The following TNFSF4 variants were observed in gnomAD, a reference collection of about 807,000 sequenced individuals.
The protein encoded by TNFSF4 is tumor necrosis factor ligand superfamily member 4.
A neutral mutation model predicts 7.3 loss-of-function variants in TNFSF4; 4 were observed. The observed-to-expected ratio is 0.55, with a 90% CI of 0.27 to 1.25. TNFSF4 has a LOEUF of 1.25. TNFSF4 is among the 50% of genes most tolerant of loss of function. The probability of loss-of-function intolerance (pLI) is 0.12; values close to 1 mark genes in which losing one functional copy is unlikely to be tolerated. For missense variants in TNFSF4, 181 were observed against 208.8 expected (o/e 0.87, Z 0.82); for synonymous variants, 76 against 83.7 (o/e 0.91, Z 0.50).
At chr1:173,179,121 A>C (rs1649006443), downstream of TNFSF4, among the ~76,000 whole-genome samples, 1 of 152,206 alleles carries the variant, frequency 6.6e-6, no homozygotes, top group Non-Finnish European at 1.5e-5. Context: ...GAACTCTCAG[A>C]GAATAAATTT....
downstream of TNFSF4, among the ~76,000 whole-genome samples, chr1:173,178,735 A>G (rs562660078): frequency 6.6e-6 from 1 of 152,252 alleles, no homozygotes; most frequent in South Asian, 2.1e-4. Context: ...ACCCCCAAAA[A>G]TATGTATGCT....
the TNFSF4 span, among the ~76,000 whole-genome samples, chr1:173,399,435 C>A: frequency 6.6e-6 from 1 of 152,166 alleles, no homozygotes; most frequent in Non-Finnish European, 1.5e-5. Context: ...AGCAATGCAA[C>A]TCGCTGTCCA....
the TNFSF4 span, among the ~76,000 whole-genome samples, chr1:173,373,884 C>T: frequency 6.6e-6 from 1 of 152,210 alleles, no homozygotes; most frequent in Non-Finnish European, 1.5e-5. Context: ...ATTTGAGCTT[C>T]CCCAAAGATT....
the TNFSF4 span, among the ~76,000 whole-genome samples, chr1:173,443,692 G>A: frequency 6.6e-6 from 1 of 152,098 alleles, no homozygotes; most frequent in Non-Finnish European, 1.5e-5. Context: ...GTCTTCATGG[G>A]TTACTTCTAA....
At chr1:173,322,352 A>T in the TNFSF4 span, among the ~76,000 whole-genome samples, 1 of 152,062 alleles carries the variant, frequency 6.6e-6, no homozygotes, top group Non-Finnish European at 1.5e-5. Flanking sequence ...GGGGAGGGAG[A>T]GCATTAGGAC....
At chr1:173,243,484 C>A in the TNFSF4 span, among the ~76,000 whole-genome samples, 2 of 152,210 alleles carry the variant, frequency 1.3e-5, no homozygotes, top group Non-Finnish European at 2.9e-5. Flanking sequence ...TTCTCTACTG[C>A]AAACCCTGCT....
chr1:173,440,513 C>CTTGAAGA, the TNFSF4 span: 1 of 152,214 alleles, frequency 6.6e-6, no homozygotes, highest in Admixed American at 6.5e-5. Context: ...TTCCACCTTG[C>CTTGAAGA]TTGAAGATGA....
At chr1:173,430,721 T>C in the TNFSF4 span, among the ~76,000 whole-genome samples, 9 of 152,324 alleles carry the variant, frequency 5.9e-5, no homozygotes, top group East Asian at 1.9e-4. Flanking sequence ...CAAATAATTG[T>C]ATTAGGTGAC....
chr1:173,222,831 GT>G, the TNFSF4 span, among the ~76,000 whole-genome samples: 1 of 152,170 alleles, frequency 6.6e-6, no homozygotes, highest in Non-Finnish European at 1.5e-5. Context: ...AGGAAGTGGG[GT>G]AAAAGCAAGA....
the TNFSF4 span, among the ~76,000 whole-genome samples, chr1:173,415,599 C>G: frequency 3.3e-4 from 50 of 152,362 alleles, no homozygotes; most frequent in African/African-American, 1.2e-3. Context: ...GGGACAAACA[C>G]TGGATAATTA....
the TNFSF4 span, among the ~76,000 whole-genome samples, chr1:173,358,117 G>A: frequency 6.6e-6 from 1 of 152,224 alleles, no homozygotes; most frequent in African/African-American, 2.4e-5. Flanking sequence ...AAAAGTAGGA[G>A]AGTCAGAGTC....
At chr1:173,318,221 A>T in the TNFSF4 span, among the ~76,000 whole-genome samples, 1 of 152,180 alleles carries the variant, frequency 6.6e-6, no homozygotes, top group African/African-American at 2.4e-5. Flanking sequence ...GGGGTGGATC[A>T]TGAGGTCAGG....
At chr1:173,256,493 T>C in the TNFSF4 span, among the ~76,000 whole-genome samples, 31 of 152,006 alleles carry the variant, frequency 2.0e-4, no homozygotes, top group Non-Finnish European at 7.4e-5. Flanking sequence ...AAGTCCCATC[T>C]CAAAATACCC....
the TNFSF4 span, among the ~76,000 whole-genome samples, chr1:173,349,454 C>T: frequency 1.3e-5 from 2 of 152,134 alleles, no homozygotes; most frequent in Non-Finnish European, 2.9e-5. Flanking sequence ...TATAAGTATA[C>T]TATATATTAT....
At chr1:173,265,125 G>A in the TNFSF4 span, among the ~76,000 whole-genome samples, 12,215 of 152,168 alleles carry the variant, frequency 0.08, 856 homozygotes, top group African/African-American at 0.19. Context: ...TTTAGACCCC[G>A]CAGAAGTTTT....
chr1:173,215,988 C>T, the TNFSF4 span, among the ~76,000 whole-genome samples: 8 of 152,138 alleles, frequency 5.3e-5, no homozygotes, highest in African/African-American at 1.9e-4. Flanking sequence ...CCACCCCAGA[C>T]CTATCAAATC....
the TNFSF4 span, among the ~76,000 whole-genome samples, chr1:173,450,683 A>G: frequency 6.8e-6 from 1 of 146,688 alleles, no homozygotes; most frequent in Non-Finnish European, 1.5e-5. Flanking sequence ...TCACATGAAT[A>G]TCTTATTGGA....
intron 1 of TNFSF4, chr1:173,205,265 C>T: frequency 6.2e-7 from 1 of 1,605,316 alleles, no homozygotes; most frequent in Non-Finnish European, 8.5e-7. Context: ...GCTTCCATCT[C>T]TGTGCCAGGA....
the TNFSF4 span, among the ~76,000 whole-genome samples, chr1:173,338,633 G>T: frequency 6.6e-6 from 1 of 152,110 alleles, no homozygotes; most frequent in South Asian, 2.1e-4. Flanking sequence ...GCTAGGGTCC[G>T]GGATTCATGG....
Sources: allele counts gnomAD v4.1 joint callset (sites outside exome capture counted in the v4.1 genomes callset), GRCh38; gene constraint gnomAD v4.1.1; transcripts MANE v1.5; gene names NCBI Gene and HGNC (gene_info 2026-07-23, HGNC 2026-07-21).